PPL: variants seen among roughly 807,000 people sequenced by gnomAD.
The protein encoded by PPL is periplakin.
PPL carries 198 observed loss-of-function variants against 194.4 expected under a neutral mutation model. The ratio of observed to expected loss-of-function variants is 1.02; its 90% CI spans 0.91 to 1.15. The LOEUF (loss-of-function observed/expected upper bound fraction) is 1.15, where lower values mean the gene tolerates loss of function less well. Among genes scored for constraint, PPL ranks in the 50% most tolerant of loss-of-function variants. The pLI is 0.00. For missense variants in PPL, 2,885 were observed against 2,294.8 expected (o/e 1.26, Z -5.25); for synonymous variants, 1,220 against 972.4 (o/e 1.25, Z -4.74).
intron 21 of PPL, among the ~76,000 whole-genome samples, chr16:4,886,668 G>A (rs563317026): frequency 1.3e-5 from 2 of 152,078 alleles, no homozygotes; most frequent in African/African-American, 4.8e-5. Flanking sequence ...GCCCAGGCTG[G>A]AGTGCAGTGG....
intron 13 of PPL, 32 bp from the exon 14 acceptor site, chr16:4,893,402 GA>G (rs748014435): frequency 6.2e-7 from 1 of 1,600,394 alleles, no homozygotes; most frequent in African/African-American, 1.3e-5. Context: ...AGGCAGGTGT[GA>G]CAACGGGCCA....
At chr16:4,913,965 C>A (rs371871181) in intron 1 of PPL, among the ~76,000 whole-genome samples, 3 of 152,196 alleles carry the variant, frequency 2.0e-5, no homozygotes, top group African/African-American at 7.2e-5. Flanking sequence ...GAAACAGTCA[C>A]GAGACTGAGG....
chr16:4,926,444 T>C (rs2089155671), intron 1 of PPL, among the ~76,000 whole-genome samples: 1 of 152,222 alleles, frequency 6.6e-6, no homozygotes, highest in South Asian at 2.1e-4. Flanking sequence ...TCACACCTAT[T>C]TATGGAGCCC....
At chr16:4,893,763 C>G (rs538961833) in intron 12 of PPL, 125 bp from the exon 13 acceptor site, 8 of 723,824 alleles carry the variant, frequency 1.1e-5, no homozygotes, top group Middle Eastern at 3.8e-4. Context: ...TAGATGCGGA[C>G]AGCAAGTGCT....
intron 1 of PPL, among the ~76,000 whole-genome samples, chr16:4,934,444 T>C (rs1437366771): frequency 1.3e-5 from 2 of 152,076 alleles, no homozygotes; most frequent in East Asian, 1.9e-4. Context: ...TCCTGTGTGC[T>C]ACAGCACTGC....
At chr16:4,911,371 A>G (rs2088817404) in intron 1 of PPL, among the ~76,000 whole-genome samples, 1 of 152,092 alleles carries the variant, frequency 6.6e-6, no homozygotes, top group African/African-American at 2.4e-5. Flanking sequence ...CATGTTGGCC[A>G]GGCTGGTCTT....
In PPL at chr16:4,885,075, C is replaced by T. The variant is rs2088189362; in HGVS notation, c.3580G>A (p.Glu1194Lys). 1.9e-6 allele frequency: 3 copies of T among 1,613,756 alleles called. No individual in the cohort carries two copies. The highest frequency in any genetic ancestry group is 2.2e-5 in the South Asian group (2 of 91,082). ...TACTTTCGCTCCTGCTCCACAAGCT[C>T]CAGGCGGAGGTTCGCCACTTCACTT... ...AESEVANLRL[E>K]LVEQERKYRG... Residue 1194 changes from glutamate to lysine, a missense_variant, in exon 22 of 22, where the codon GAG becomes AAG. Transcript: ENST00000345988. The surrounding 1 kb of genome is among the most constrained non-coding windows in gnomAD (Gnocchi z 6.3).
intron 1 of PPL, among the ~76,000 whole-genome samples, chr16:4,924,510 G>T (rs2089119539): frequency 6.6e-6 from 1 of 152,194 alleles, no homozygotes; most frequent in Non-Finnish European, 1.5e-5. Context: ...CTCACTCGGT[G>T]CCTGGTACCC....
chr16:4,897,294 G>A (rs1252554755), intron 9 of PPL, among the ~76,000 whole-genome samples: 5 of 123,682 alleles, frequency 4.0e-5, no homozygotes, highest in Middle Eastern at 7.0e-3. Context: ...GAGATGGCAC[G>A]ACTGCACTCC....
chr16:4,926,739 C>G (rs1315183221), intron 1 of PPL, among the ~76,000 whole-genome samples: 4 of 151,904 alleles, frequency 2.6e-5, no homozygotes, highest in Non-Finnish European at 4.4e-5. Context: ...AATAGCCGGG[C>G]GTGGTGGCAG....
chr16:4,894,750 G>C, intron 11 of PPL, 132 bp from the exon 12 acceptor site: 2 of 1,026,106 alleles, frequency 1.9e-6, no homozygotes, highest in Non-Finnish European at 2.8e-6. Flanking sequence ...CCGTAGAGTG[G>C]GGAGGGGCAT....
At chr16:4,922,479 T>G (rs1222295637) in intron 1 of PPL, among the ~76,000 whole-genome samples, 1 of 152,050 alleles carries the variant, frequency 6.6e-6, no homozygotes, top group East Asian at 1.9e-4. Flanking sequence ...CTGGCCAACA[T>G]AGTGAAACCC....
chr16:4,892,330 C>T (rs1011646188), intron 14 of PPL, 117 bp from the exon 15 acceptor site: 38 of 1,158,852 alleles, frequency 3.3e-5, no homozygotes, highest in South Asian at 1.7e-4. Context: ...GCTGGAGAGG[C>T]CTGGCACATT....
intron 6 of PPL, 96 bp from the exon 7 acceptor site, chr16:4,899,480 C>CTGAGGACAAGCCCAGCTATGGGTGGCA: frequency 6.7e-7 from 1 of 1,485,012 alleles, no homozygotes; most frequent in South Asian, 1.3e-5. Context: ...TATGGCTGGC[C>CTGAGGACAAGCCCAGCTATGGGTGGCA]TGAGGACAAG....
intron 1 of PPL, among the ~76,000 whole-genome samples, chr16:4,930,628 G>T (rs911612420): frequency 6.6e-6 from 1 of 152,230 alleles, no homozygotes; most frequent in African/African-American, 2.4e-5. Flanking sequence ...TCACATAGCT[G>T]CTGAGATAAG....
At chr16:4,915,706 A>T (rs1391901084) in intron 1 of PPL, among the ~76,000 whole-genome samples, 3 of 152,190 alleles carry the variant, frequency 2.0e-5, no homozygotes, top group African/African-American at 7.2e-5. Context: ...TCGTAATATG[A>T]GCTAATACTT....
intron 20 of PPL, 121 bp downstream of exon 20, chr16:4,887,981 C>T: frequency 2.8e-6 from 2 of 718,882 alleles, no homozygotes; most frequent in Non-Finnish European, 4.9e-6. Flanking sequence ...CAGGAGGGCT[C>T]TCAGTGGCTT....
chr16:4,917,967 C>T (rs1301157249), intron 1 of PPL, among the ~76,000 whole-genome samples: 1 of 148,096 alleles, frequency 6.8e-6, no homozygotes, highest in East Asian at 2.0e-4. Context: ...ATATGAATTA[C>T]ATCACAGTAA....
intron 20 of PPL, 89 bp downstream of exon 20, chr16:4,888,013 G>T: frequency 1.1e-6 from 1 of 918,736 alleles, no homozygotes; most frequent in African/African-American, 1.6e-5. Flanking sequence ...GTGCATCTCT[G>T]AGGCCAGCGT....
Sources: gnomAD v4.1 joint callset for allele counts (sites outside exome capture counted in the v4.1 genomes callset) on GRCh38, gnomAD v4.1.1 for gene constraint, Gnocchi (gnomAD v3.1) non-coding constraint, MANE v1.5 for transcripts, NCBI Gene and HGNC (gene_info 2026-07-23, HGNC 2026-07-21) for gene names.